Variants in ADAMTS13 observed in about 807,000 individuals in gnomAD.
The protein encoded by ADAMTS13 is A disintegrin and metalloproteinase with thrombospondin motifs 13.
Under a neutral mutation model 155.1 loss-of-function variants are expected in ADAMTS13, and 110 were observed. That is an observed-to-expected ratio of 0.71 (90% CI 0.61 to 0.83). The LOEUF is 0.83. Ranked by LOEUF, ADAMTS13 falls within the 40% of genes least tolerant of loss-of-function variation. The pLI is 0.00. For synonymous variants in ADAMTS13, 758 were observed against 756.4 expected (o/e 1.00, Z -0.03); for missense variants, 1,707 against 1,891.7 (o/e 0.90, Z 1.81).
At chr9:133,449,988 G>GGGCA in intron 23 of ADAMTS13, 23 bp downstream of exon 23, 1 of 1,576,142 alleles carries the variant, frequency 6.3e-7, no homozygotes. Flanking sequence ...GTGATGGGAG[G>GGGCA]GGCAGCTCCT....
At chr9:133,423,890 G>A (rs1840108700) in intron 2 of ADAMTS13, among the ~76,000 whole-genome samples, 4 of 152,240 alleles carry the variant, frequency 2.6e-5, no homozygotes, top group Non-Finnish European at 1.5e-5. Context: ...CAGGGTCCCT[G>A]ACCCTCTAAG....
rs1588178579 is a variant in ADAMTS13 at position 133,440,537 on chromosome 9, A to G, written c.1968+12A>G. ...ATGCTGACATCCAGGTCAGCAGGAG[A>G]GCCTGGGGGAGGCCAGTGGGGGCTT... On this transcript the variant is annotated intron_variant, in intron 16 of 28. Coordinates refer to ENST00000355699, the MANE Select transcript of ADAMTS13 (RefSeq NM_139027.6). This position sits in a 1 kb window ranked among gnomAD's most constrained non-coding sequence, Gnocchi z 4.3. 1 of 1,586,188 alleles carries G rather than the reference A, an allele frequency of 6.3e-7. No homozygotes were observed. Among genetic ancestry groups the G allele is most frequent in the Non-Finnish European group, 8.6e-7 (1 of 1,162,834 alleles).
At chr9:133,449,411 G>C (rs1413311056) in intron 22 of ADAMTS13, among the ~76,000 whole-genome samples, 2 of 134,998 alleles carry the variant, frequency 1.5e-5, no homozygotes, top group African/African-American at 5.4e-5. Flanking sequence ...GTGCGATGCA[G>C]CCAAACACAG....
chr9:133,438,174 T>C, intron 13 of ADAMTS13, 72 bp from the exon 14 acceptor site: 2 of 1,612,464 alleles, frequency 1.2e-6, no homozygotes, highest in East Asian at 4.5e-5. Flanking sequence ...ATCTCAGAGC[T>C]GGCAGGGCTG....
chr9:133,433,753 C>G (rs1554788265), intron 11 of ADAMTS13, 49 bp downstream of exon 11: 10 of 1,600,224 alleles, frequency 6.2e-6, no homozygotes, highest in African/African-American at 5.3e-5. Context: ...GCACCGGGCC[C>G]TGGGGGAGCC....
intron 12 of ADAMTS13, among the ~76,000 whole-genome samples, chr9:133,437,220 G>C (rs1841304929): frequency 6.6e-6 from 1 of 152,168 alleles, no homozygotes; most frequent in Non-Finnish European, 1.5e-5. Flanking sequence ...CAAGGATTCA[G>C]GGAGATAATC....
At position 133,433,494 on chromosome 9, in the gene ADAMTS13, T is replaced by G. The variant is rs1588165898; in HGVS notation, c.1209T>G (p.Gly403=). Residue 403 remains glycine (G), a synonymous_variant, in exon 10 of 29, where the codon GGT becomes GGG. Coordinates refer to ENST00000355699, the MANE Select transcript of ADAMTS13 (RefSeq NM_139027.6). The part of the protein sequence containing the change: ...RSPCSRSCGG[G]VVTRRRQCNN... ...CTTGCTCCCGCTCCTGCGGAGGAGG[T>G]GTGGTCACCAGGAGGCGGCAGTGCA... 2 of 1,613,170 alleles carry G rather than the reference T, an allele frequency of 1.2e-6. No homozygotes were observed. Among genetic ancestry groups the G allele is most frequent in the Middle Eastern group, 1.7e-4 (1 of 6,044 alleles).
chr9:133,437,814 A>G lies in ADAMTS13; in HGVS notation c.1501A>G (p.Ser501Gly), dbSNP rs1158546169. 2.5e-6 allele frequency: 4 copies of G among 1,613,894 alleles called. No homozygotes were observed. The highest frequency in any genetic ancestry group is 3.3e-5 in the Admixed American group (2 of 60,012). Residue 501 changes from serine to glycine, a missense_variant, in exon 13 of 29, where the codon AGC (serine) becomes GGC (glycine). Physicochemically the swap from Ser to Gly is moderately conservative, Grantham distance 56. This residue lies in a region of ADAMTS13 where 733 missense variants were observed against 749.6 expected (regional missense o/e 0.98). Coordinates refer to ENST00000355699, the MANE Select transcript of ADAMTS13 (RefSeq NM_139027.6). ...GESFIMKRGDSFLDGTRCMPS... is the reference protein window; with the variant it reads ...GESFIMKRGDGFLDGTRCMPS... The stretch of plus-strand genomic sequence containing the variant: ...GAGCTTCATCATGAAGCGTGGAGAC[A>G]GCTTCCTCGATGGGACCCGGTGTAT...
upstream of ADAMTS13, chr9:133,417,998 A>C: frequency 2.9e-6 from 2 of 681,788 alleles, no homozygotes; most frequent in Non-Finnish European, 4.9e-6. Flanking sequence ...GAGACCCCGC[A>C]CGCGTTGCGC....
Position 133,445,753 on chromosome 9 carries a change from A to C in ADAMTS13, c.2665A>C (p.Thr889Pro). ...KAPSPWGSIRTGAQAAHVWTP... is the reference protein window; with the variant it reads ...KAPSPWGSIRPGAQAAHVWTP... ...TCCCTCCCCATGGGGCAGCATCAGG[A>C]CGGGGGCTCAAGCTGCACACGTGTG... is the stretch of plus-strand genomic sequence containing the variant. The change falls in exon 21 of 29, where the codon ACG (threonine) becomes CCG (proline). Residue 889 changes from threonine to proline, a missense_variant. Physicochemically the swap from Thr to Pro is conservative, Grantham distance 38. Coordinates refer to ENST00000355699, the MANE Select transcript of ADAMTS13 (RefSeq NM_139027.6). This position sits in a 1 kb window ranked among gnomAD's most constrained non-coding sequence, Gnocchi z 5.0. 6.2e-7 allele frequency: 1 copy of C among 1,610,692 alleles called. No individual in the cohort carries two copies. Among genetic ancestry groups the C allele is most frequent in the Non-Finnish European group, 8.5e-7 (1 of 1,178,116 alleles).
At chr9:133,436,800 A>ACCCCCCCCCCCCCCCCCCCC in intron 11 of ADAMTS13, 29 bp from the exon 12 acceptor site, 1 of 533,016 alleles carries the variant, frequency 1.9e-6, no homozygotes, top group Non-Finnish European at 2.9e-6. Context: ...CCCCACCGCC[A>ACCCCCCCCCCCCCCCCCCCC]TCCCCCTCCT....
intron 23 of ADAMTS13, among the ~76,000 whole-genome samples, chr9:133,450,873 T>C (rs1554794172): frequency 6.6e-6 from 1 of 152,182 alleles, no homozygotes; most frequent in East Asian, 1.9e-4. Context: ...TTAAGCACCA[T>C]GCAGGCAGGG....
At position 133,445,909 on chromosome 9, in the gene ADAMTS13, G is replaced by A; in HGVS notation, c.2731+90G>A. 6.7e-7 allele frequency: 1 copy of A among 1,489,942 alleles called. No homozygotes were observed. Among genetic ancestry groups the A allele is most frequent in the African/African-American group, 1.4e-5 (1 of 71,268 alleles). 92.3% of individuals were successfully genotyped at this position (1,489,942 alleles called of 1,614,324 possible). A position where few individuals can be genotyped will look rare whatever the true frequency, so the allele number is the denominator to read the frequency against. On this transcript the variant is annotated intron_variant, in intron 21 of 28. Transcript: ENST00000355699. The surrounding 1 kb of genome is among the most constrained non-coding windows in gnomAD (Gnocchi z 5.0). ...TTGCCTCGTTCTGAAAAGCATTTGAGGTGGATTGCAGAAAATCCAGACTAT... is the reference window on the plus strand; with the variant it reads ...TTGCCTCGTTCTGAAAAGCATTTGAAGTGGATTGCAGAAAATCCAGACTAT...
intron 14 of ADAMTS13, 131 bp from the exon 15 acceptor site, chr9:133,439,235 G>A: frequency 1.3e-6 from 1 of 756,922 alleles, no homozygotes; most frequent in East Asian, 2.6e-5. Flanking sequence ...CCCATGACAG[G>A]GGACTCACTG....
At chr9:133,455,179 C>T in intron 24 of ADAMTS13, 106 bp from the exon 25 acceptor site, 3 of 1,301,190 alleles carry the variant, frequency 2.3e-6, no homozygotes, top group Non-Finnish European at 2.2e-6. Context: ...AACTGCCTCC[C>T]AGCTTGTACA....
Position 133,424,288 on chromosome 9 carries a change from C to A in ADAMTS13, c.173-33C>A. 6.2e-7 allele frequency: 1 copy of A among 1,608,958 alleles called. No homozygotes were observed. Among genetic ancestry groups the A allele is most frequent in the Non-Finnish European group, 8.5e-7 (1 of 1,179,812 alleles). On this transcript the variant is annotated intron_variant, in intron 2 of 28. Transcript: ENST00000355699. The surrounding 1 kb of genome is among the most constrained non-coding windows in gnomAD (Gnocchi z 4.3). The stretch of plus-strand genomic sequence containing the variant: ...GCTTTCCACTGCTTGCTCTCTAGAA[C>A]CATCGCCCTCTGCTCTCCCTCTCCC...
At chr9:133,422,311 C>T (rs1840004329), upstream of ADAMTS13, 3 of 886,140 alleles carry the variant, frequency 3.4e-6, no homozygotes, top group South Asian at 2.9e-5. Flanking sequence ...TGGCAGGAAG[C>T]TTCCAAGAGT....
rs888138876 is a variant in ADAMTS13 at position 133,437,796 on chromosome 9, A to G, written c.1483A>G (p.Ile495Val). ...GTGCCGGGCCATTGGCGAGAGCTTC[A>G]TCATGAAGCGTGGAGACAGCTTCCT... is the stretch of plus-strand genomic sequence containing the variant. ...HMCRAIGESF[I>V]MKRGDSFLDG... Residue 495 changes from isoleucine to valine, a missense_variant, in exon 13 of 29, where the codon ATC becomes GTC. Around this residue, in one of 3 missense-constraint regions of ADAMTS13, gnomAD observed 733 missense variants for 749.6 expected, o/e 0.98. Coordinates refer to ENST00000355699, the MANE Select transcript of ADAMTS13 (RefSeq NM_139027.6). 6.2e-7 allele frequency: 1 copy of G among 1,613,862 alleles called. No homozygotes were observed. The highest frequency in any genetic ancestry group is 1.3e-5 in the African/African-American group (1 of 74,922).
At chr9:133,432,252 C>T (rs1051016540) in intron 8 of ADAMTS13, among the ~76,000 whole-genome samples, 4 of 151,550 alleles carry the variant, frequency 2.6e-5, no homozygotes, top group South Asian at 2.1e-4. Flanking sequence ...GCAACAAGAG[C>T]GAAACTGTCT....
Sources: gnomAD v4.1 joint callset for allele counts (sites outside exome capture counted in the v4.1 genomes callset) on GRCh38, gnomAD v4.1.1 for gene constraint, gnomAD v4.1.1 regional missense constraint, Gnocchi (gnomAD v3.1) non-coding constraint, MANE v1.5 for transcripts, NCBI Gene and HGNC (gene_info 2026-07-23, HGNC 2026-07-21) for gene names.